EIF5A: variants seen among roughly 807,000 people sequenced by gnomAD.
EIF5A encodes the protein eukaryotic translation initiation factor 5A.
Under a neutral mutation model 16.6 loss-of-function variants are expected in EIF5A, and 1 was observed. The ratio of observed to expected loss-of-function variants is 0.06; its 90% confidence interval spans 0.02 to 0.28. The LOEUF (loss-of-function observed/expected upper bound fraction) is 0.28. EIF5A is among the 10% of genes least tolerant of loss of function. The pLI, the probability that EIF5A is intolerant of heterozygous loss-of-function variation, is 1.00. For synonymous variants in EIF5A, 80 were observed against 73.6 expected (o/e 1.09, Z -0.44); for missense variants, 29 against 196.1 (o/e 0.15, Z 5.09).
intron 4 of EIF5A, 38 bp from the exon 5 acceptor site, chr17:7,311,540 G>A: frequency 6.2e-7 from 1 of 1,614,122 alleles, no homozygotes; most frequent in South Asian, 1.1e-5. Flanking sequence ...TTCTTCCTGA[G>A]CTCAGACATC....
At chr17:7,307,801 G>A in intron 1 of EIF5A, 49 bp downstream of exon 1, 1 of 989,328 alleles carries the variant, frequency 1.0e-6, no homozygotes, top group Non-Finnish European at 1.2e-6. Context: ...TTGGGCCCGG[G>A]AGAAGATGGA....
intron 2 of EIF5A, chr17:7,310,604 A>G: frequency 3.0e-6 from 3 of 985,174 alleles, no homozygotes; most frequent in Non-Finnish European, 3.6e-6. Context: ...CCTTTTCTTC[A>G]GCTCTTTCAC....
chr17:7,310,764 A>G (rs73977633), intron 2 of EIF5A: 2 of 985,208 alleles, frequency 2.0e-6, no homozygotes, highest in African/African-American at 1.7e-5. Context: ...TATCAAGGTA[A>G]CTGTCTTCTC....
Position 7,307,657 on chromosome 17 carries a change from CGGCGGTAGA to C in EIF5A, c.-111_-103del. On this transcript the variant is annotated 5_prime_UTR_variant, in exon 1 of 6. Transcript: ENST00000336458. Reference sequence around the variant, plus strand: ...TAAGACCCGTGTGCAGCAGCGGCGGCGGCGGTAGAGGCGGCGGCGGCGGCGGCAGCGGGC... The same window carrying C: ...TAAGACCCGTGTGCAGCAGCGGCGGCGGCGGCGGCGGCGGCGGCAGCGGGC... The C allele has an allele frequency of 9.5e-7, 1 of 1,049,308 alleles. No individual in the cohort carries two copies. Among genetic ancestry groups the C allele is most frequent in the Non-Finnish European group, 1.1e-6 (1 of 872,068 alleles). 65.0% of individuals were successfully genotyped at this position (1,049,308 alleles called of 1,614,324 possible).
intron 2 of EIF5A, chr17:7,310,480 A>G (rs2072787465): frequency 8.5e-7 from 1 of 1,169,708 alleles, no homozygotes. Context: ...CAGTTTTTCC[A>G]TCTTTTGACT....
chr17:7,307,252 T>G (rs530939705), upstream of EIF5A: 4 of 1,214,966 alleles, frequency 3.3e-6, no homozygotes, highest in Admixed American at 2.8e-5. Context: ...GAAGGGGTTG[T>G]TTAGGATTCC....
chr17:7,308,357 C>T, intron 1 of EIF5A: 1 of 1,176,048 alleles, frequency 8.5e-7, no homozygotes, highest in Non-Finnish European at 1.1e-6. Flanking sequence ...AAGCCCGGAA[C>T]GGCCACATGG....
At chr17:7,309,572 T>TG in intron 1 of EIF5A, 43 bp from the exon 2 acceptor site, 2 of 1,604,002 alleles carry the variant, frequency 1.2e-6, no homozygotes, top group Non-Finnish European at 1.7e-6. Flanking sequence ...GAGGTCCTGT[T>TG]GACCTCCATG....
chr17:7,307,663 T>C lies in EIF5A; in HGVS notation c.-111T>C. ...CCGTGTGCAGCAGCGGCGGCGGCGG[T>C]AGAGGCGGCGGCGGCGGCGGCAGCG... On this transcript the variant is annotated 5_prime_UTR_variant, in exon 1 of 6. Coordinates refer to ENST00000336458, the MANE Select transcript of EIF5A (RefSeq NM_001970.5). The C allele has an allele frequency of 1.9e-6, 2 of 1,047,192 alleles. No individual in the cohort carries two copies. The highest frequency in any genetic ancestry group is 2.3e-6 in the Non-Finnish European group (2 of 870,250). The allele number at this position is 1,047,192 out of a possible 1,614,324, so 64.9% of individuals were successfully genotyped here. A position where few individuals can be genotyped will look rare whatever the true frequency, so the allele number is the denominator to read the frequency against.
intron 2 of EIF5A, chr17:7,310,381 C>T: frequency 4.2e-6 from 5 of 1,197,180 alleles, no homozygotes; most frequent in Non-Finnish European, 5.3e-6. Context: ...CTTGCTAGCA[C>T]TTCCCTCATC....
chr17:7,310,937 C>T, intron 2 of EIF5A, 81 bp from the exon 3 acceptor site: 1 of 1,506,994 alleles, frequency 6.6e-7, no homozygotes, highest in South Asian at 1.3e-5. Context: ...TGACTTCCCT[C>T]ATCAGGCAAG....
intron 1 of EIF5A, 64 bp from the exon 2 acceptor site, chr17:7,309,551 G>A: frequency 6.3e-7 from 1 of 1,591,048 alleles, no homozygotes; most frequent in Admixed American, 1.7e-5. Context: ...GGAGAGAAAT[G>A]GGATAGATTG....
chr17:7,307,859 C>G (rs894052195), intron 1 of EIF5A, 107 bp downstream of exon 1: 21 of 982,304 alleles, frequency 2.1e-5, no homozygotes, highest in Non-Finnish European at 2.4e-5. Context: ...CGGCCGCCGC[C>G]GCACGGGTTC....
rs1037375505 is a variant in EIF5A, at chr17:7,307,750, G to A, written c.-24G>A. Reference sequence around the variant, plus strand: ...CGGGGTCGAGTCAGTGCGTTCGCGCGAGGTGAGAGCGGGCAGGGCGCGTGT... The same window carrying A: ...CGGGGTCGAGTCAGTGCGTTCGCGCAAGGTGAGAGCGGGCAGGGCGCGTGT... On this transcript the variant is annotated splice_region_variant and 5_prime_UTR_variant, in exon 1 of 6. Transcript: ENST00000336458. 6.4e-5 allele frequency: 65 copies of A among 1,008,682 alleles called. No homozygotes were observed. Among genetic ancestry groups the A allele is most frequent in the Non-Finnish European group, 7.6e-5 (64 of 844,604 alleles). 62.5% of individuals were successfully genotyped at this position (1,008,682 alleles called of 1,614,324 possible).
chr17:7,308,659 T>C (rs2072713692), intron 1 of EIF5A: 1 of 1,230,402 alleles, frequency 8.1e-7, no homozygotes, highest in African/African-American at 1.5e-5. Context: ...TCTGTCGGCC[T>C]GGGTGGACAG....
chr17:7,311,142 G>T lies in EIF5A; in HGVS notation c.270+20G>T. ...TTCCAGGTATGTAGATGGTCTGGAT[G>T]AGGATGGGTTAGCGGTTTATGGTGG... On this transcript the variant is annotated intron_variant, in intron 3 of 5. Coordinates refer to ENST00000336458, the MANE Select transcript of EIF5A (RefSeq NM_001970.5). 1 of 1,612,658 alleles carries T rather than the reference G, an allele frequency of 6.2e-7. No individual in the cohort carries two copies. Among genetic ancestry groups the T allele is most frequent in the South Asian group, 1.1e-5 (1 of 90,876 alleles).
intron 2 of EIF5A, chr17:7,310,547 C>T: frequency 2.7e-6 from 3 of 1,093,770 alleles, no homozygotes. Flanking sequence ...GCTCTTCTGG[C>T]TTCCTTATTT....
chr17:7,309,969 C>T (rs2143008896), intron 2 of EIF5A, 169 bp downstream of exon 2: 1 of 1,539,892 alleles, frequency 6.5e-7, no homozygotes, highest in East Asian at 2.4e-5. Flanking sequence ...ACACCTGCTC[C>T]CCAGTCTTCA....
At chr17:7,310,865 C>CT in intron 2 of EIF5A, 153 bp from the exon 3 acceptor site, 1 of 985,314 alleles carries the variant, frequency 1.0e-6, no homozygotes, top group South Asian at 4.7e-5. Context: ...AGAGGCTTTA[C>CT]TGTTTCTTGA....
Sources: allele counts gnomAD v4.1 joint callset, GRCh38; gene constraint gnomAD v4.1.1; transcripts MANE v1.5; gene names NCBI Gene and HGNC (gene_info 2026-07-23, HGNC 2026-07-21).